The following CFAP144 variants were observed in gnomAD, a reference collection of about 807,000 sequenced individuals.
CFAP144 encodes cilia and flagella associated protein 144, also known as cilia- and flagella-associated protein 144.
the CFAP144 span, among the ~76,000 whole-genome samples, chr1:43,152,228 G>A: frequency 8.5e-5 from 13 of 152,186 alleles, no homozygotes; most frequent in Non-Finnish European, 1.5e-4. Context: ...AAATCCATCT[G>A]TTGTCGGCAG....
chr1:43,145,365 G>T, the CFAP144 span: 1 of 1,202,624 alleles, frequency 8.3e-7, no homozygotes, highest in Non-Finnish European at 1.2e-6. Context: ...TAGGGCACAA[G>T]GTCCCTGCTG....
chr1:43,153,889 T>C, the CFAP144 span, among the ~76,000 whole-genome samples: 1 of 150,584 alleles, frequency 6.6e-6, no homozygotes, highest in Admixed American at 6.6e-5. Flanking sequence ...TCTTTGGTCA[T>C]GCAGAAGGTT....
the CFAP144 span, among the ~76,000 whole-genome samples, chr1:43,151,187 A>C: frequency 3.1e-4 from 47 of 152,268 alleles, no homozygotes; most frequent in African/African-American, 1.1e-3. Context: ...TGGTTCTGCT[A>C]CTCATTAACT....
chr1:43,143,742 A>G, the CFAP144 span, among the ~76,000 whole-genome samples: 7 of 152,350 alleles, frequency 4.6e-5, no homozygotes, highest in African/African-American at 1.7e-4. Context: ...CCAAGAGAAC[A>G]CAGGAACCAA....
At chr1:43,148,129 G>A in the CFAP144 span, 11 of 1,592,170 alleles carry the variant, frequency 6.9e-6, no homozygotes, top group East Asian at 2.5e-4. Context: ...GCGGGAGGGC[G>A]CCGGGGAAGG....
the CFAP144 span, among the ~76,000 whole-genome samples, chr1:43,151,456 G>A: frequency 6.6e-6 from 1 of 152,198 alleles, no homozygotes; most frequent in African/African-American, 2.4e-5. Context: ...TGTGAGAACA[G>A]CATAGGAAAC....
At chr1:43,152,972 G>A in the CFAP144 span, 1 of 1,581,556 alleles carries the variant, frequency 6.3e-7, no homozygotes, top group Non-Finnish European at 8.6e-7. Context: ...AGGAAACACA[G>A]CAGCAATGTA....
chr1:43,150,977 G>T, the CFAP144 span, among the ~76,000 whole-genome samples: 1 of 152,016 alleles, frequency 6.6e-6, no homozygotes, highest in Non-Finnish European at 1.5e-5. Flanking sequence ...AAAAAAGACG[G>T]ATACTCAGAC....
chr1:43,149,039 T>C, the CFAP144 span, among the ~76,000 whole-genome samples: 1 of 152,252 alleles, frequency 6.6e-6, no homozygotes, highest in African/African-American at 2.4e-5. Flanking sequence ...CCTTGCCGCC[T>C]GGATTGGTCT....
At chr1:43,147,475 A>G in the CFAP144 span, among the ~76,000 whole-genome samples, 1 of 152,214 alleles carries the variant, frequency 6.6e-6, no homozygotes, top group East Asian at 1.9e-4. Context: ...CACACTGGCC[A>G]GAACGTTTTC....
chr1:43,152,835 T>G, the CFAP144 span: 53 of 1,609,404 alleles, frequency 3.3e-5, 1 homozygote, highest in African/African-American at 6.7e-4. Flanking sequence ...CAGCCAGGTT[T>G]CTGAATCTCA....
chr1:43,154,100 A>ATG, the CFAP144 span, among the ~76,000 whole-genome samples: 39 of 95,512 alleles, frequency 4.1e-4, no homozygotes, highest in African/African-American at 1.4e-3. Context: ...ATATATATAT[A>ATG]CTCTCTTTTT....
At chr1:43,143,209 A>G in the CFAP144 span, among the ~76,000 whole-genome samples, 1 of 152,326 alleles carries the variant, frequency 6.6e-6, no homozygotes, top group East Asian at 1.9e-4. Context: ...CCTATACACC[A>G]CATTCCCACA....
At chr1:43,152,464 AC>A in the CFAP144 span, among the ~76,000 whole-genome samples, 1 of 151,788 alleles carries the variant, frequency 6.6e-6, no homozygotes, top group African/African-American at 2.4e-5. Flanking sequence ...CCTGCACATG[AC>A]CCTTCACCTA....
At chr1:43,150,785 T>C in the CFAP144 span, 1 of 1,610,410 alleles carries the variant, frequency 6.2e-7, no homozygotes. Flanking sequence ...AGGAAGCCCA[T>C]GTCTTGGCAT....
chr1:43,146,571 C>T, the CFAP144 span, among the ~76,000 whole-genome samples: 1 of 152,194 alleles, frequency 6.6e-6, no homozygotes, highest in Admixed American at 6.5e-5. Context: ...ACTAAAATGG[C>T]AAGCCACACA....
At chr1:43,156,371 G>T in the CFAP144 span, 3 of 1,303,106 alleles carry the variant, frequency 2.3e-6, no homozygotes, top group South Asian at 1.2e-5. Flanking sequence ...ACAGCCCAGA[G>T]AAATAAAATA....
the CFAP144 span, among the ~76,000 whole-genome samples, chr1:43,149,632 A>G: frequency 6.6e-6 from 1 of 152,238 alleles, no homozygotes; most frequent in Admixed American, 6.5e-5. Flanking sequence ...AAATAATGGA[A>G]ATAATCTCTT....
chr1:43,154,128 T>G, the CFAP144 span, among the ~76,000 whole-genome samples: 2 of 141,454 alleles, frequency 1.4e-5, no homozygotes, highest in Non-Finnish European at 3.1e-5. Context: ...TAAAAATATA[T>G]TCTCCCTTTT....
Sources: gnomAD v4.1 joint callset for allele counts (sites outside exome capture counted in the v4.1 genomes callset) on GRCh38, gnomAD v4.1.1 for gene constraint, MANE v1.5 for transcripts, NCBI Gene and HGNC (gene_info 2026-07-23, HGNC 2026-07-21) for gene names.